PCDH7: variants seen among roughly 807,000 people sequenced by gnomAD.
PCDH7 encodes protocadherin 7.
Under a neutral mutation model 58.9 loss-of-function variants are expected in PCDH7, and 17 were observed. The ratio of observed to expected loss-of-function variants is 0.29; its 90% confidence interval spans 0.20 to 0.43. The LOEUF (loss-of-function observed/expected upper bound fraction) is 0.43. Ranked by LOEUF, PCDH7 falls within the 20% of genes least tolerant of loss-of-function variation. PCDH7 has a pLI of 1.00. For missense variants in PCDH7, 1,274 were observed against 1,441.0 expected (o/e 0.88, Z 1.88); for synonymous variants, 664 against 616.4 (o/e 1.08, Z -1.14).
intron 1 of PCDH7, among the ~76,000 whole-genome samples, chr4:30,738,455 C>T (rs950718562): frequency 6.6e-6 from 1 of 151,486 alleles, no homozygotes; most frequent in African/African-American, 2.4e-5. Context: ...ATCTATACTA[C>T]GTTTGCATGG....
At chr4:30,828,247 G>GA (rs55835042) in intron 1 of PCDH7, among the ~76,000 whole-genome samples, 37,907 of 150,432 alleles carry the variant, frequency 0.25, 5,350 homozygotes, top group African/African-American at 0.39. Flanking sequence ...CTTAGTAAAG[G>GA]AAAAAAAAAT....
intron 1 of PCDH7, among the ~76,000 whole-genome samples, chr4:30,802,588 T>C (rs1221804175): frequency 6.6e-6 from 1 of 151,424 alleles, no homozygotes; most frequent in Admixed American, 6.6e-5. Flanking sequence ...CAAAATGAGA[T>C]CCAGATGAAT....
intron 2 of PCDH7, among the ~76,000 whole-genome samples, chr4:30,943,149 G>T (rs1746259101): frequency 6.6e-6 from 1 of 151,702 alleles, no homozygotes; most frequent in Non-Finnish European, 1.5e-5. Context: ...CATTCATCTT[G>T]AACCTCCATA....
intron 3 of PCDH7, among the ~76,000 whole-genome samples, chr4:30,984,488 C>T (rs1472373389): frequency 3.9e-5 from 6 of 152,156 alleles, no homozygotes; most frequent in South Asian, 2.1e-4. Flanking sequence ...CACACATAAA[C>T]ATAAGGAAGT....
chr4:30,801,576 TTAAAC>T (rs1725526417), intron 1 of PCDH7, among the ~76,000 whole-genome samples: 1 of 152,162 alleles, frequency 6.6e-6, no homozygotes, highest in Admixed American at 6.6e-5. Context: ...CCACTAGTCT[TTAAAC>T]TAAAGATATT....
intron 3 of PCDH7, 143 bp from the exon 3 acceptor site, chr4:31,142,330 T>A (rs979689755): frequency 8.2e-6 from 6 of 733,654 alleles, no homozygotes; most frequent in Non-Finnish European, 9.9e-6. Flanking sequence ...AACTGTCCTA[T>A]GGAATGATGA....
intron 3 of PCDH7, among the ~76,000 whole-genome samples, chr4:31,103,571 C>G (rs550341572): frequency 6.6e-6 from 1 of 152,190 alleles, no homozygotes; most frequent in South Asian, 2.1e-4. Flanking sequence ...CTCCTGACCT[C>G]AAGTGATTCA....
chr4:30,949,826 A>G (rs932429403), intron 2 of PCDH7, among the ~76,000 whole-genome samples: 8 of 152,078 alleles, frequency 5.3e-5, no homozygotes, highest in Non-Finnish European at 8.8e-5. Flanking sequence ...TTATGCCCAT[A>G]TGTGAAGGTC....
intron 3 of PCDH7, among the ~76,000 whole-genome samples, chr4:31,031,267 T>C (rs1041114746): frequency 2.0e-5 from 3 of 152,188 alleles, no homozygotes; most frequent in Non-Finnish European, 4.4e-5. Flanking sequence ...TTTTTGTTTG[T>C]CACAACAACG....
intron 1 of PCDH7, among the ~76,000 whole-genome samples, chr4:30,833,332 T>G (rs1237944922): frequency 6.6e-6 from 1 of 152,064 alleles, no homozygotes; most frequent in Non-Finnish European, 1.5e-5. Context: ...TCTTTCAGCT[T>G]CTAGACATTG....
At chr4:30,823,457 A>T (rs1728620248) in intron 1 of PCDH7, among the ~76,000 whole-genome samples, 1 of 151,996 alleles carries the variant, frequency 6.6e-6, no homozygotes, top group African/African-American at 2.4e-5. Context: ...AGAATTAAAC[A>T]TTTTCTGCTA....
chr4:30,858,429 T>C (rs1733768118), intron 1 of PCDH7, among the ~76,000 whole-genome samples: 1 of 152,152 alleles, frequency 6.6e-6, no homozygotes, highest in African/African-American at 2.4e-5. Flanking sequence ...ACTTGCTATG[T>C]CTTTTTTGTT....
intron 2 of PCDH7, among the ~76,000 whole-genome samples, chr4:30,945,882 A>G (rs951861077): frequency 6.6e-6 from 1 of 152,112 alleles, no homozygotes; most frequent in African/African-American, 2.4e-5. Context: ...AGTGCCAACA[A>G]TCAAGGTGAC....
chr4:30,957,816 A>C (rs1248942144), intron 3 of PCDH7, among the ~76,000 whole-genome samples: 1 of 152,126 alleles, frequency 6.6e-6, no homozygotes, highest in Non-Finnish European at 1.5e-5. Flanking sequence ...TTATCATGGA[A>C]ATCAATGGAA....
downstream of PCDH7, among the ~76,000 whole-genome samples, chr4:30,733,604 T>C (rs1030988212): frequency 3.3e-5 from 5 of 152,162 alleles, no homozygotes; most frequent in Non-Finnish European, 7.3e-5. Flanking sequence ...AAAATGATAG[T>C]TTATATTTGT....
At chr4:30,978,714 C>T (rs1212034285) in intron 3 of PCDH7, among the ~76,000 whole-genome samples, 3 of 152,122 alleles carry the variant, frequency 2.0e-5, no homozygotes, top group Non-Finnish European at 2.9e-5. Flanking sequence ...AAGTGTTTTT[C>T]TCTCCCTAAT....
At chr4:31,110,538 T>A (rs1470275082) in intron 3 of PCDH7, among the ~76,000 whole-genome samples, 2 of 152,340 alleles carry the variant, frequency 1.3e-5, no homozygotes, top group South Asian at 2.1e-4. Context: ...TCTCTCTATA[T>A]ACAAAAACGT....
chr4:30,990,709 T>C (rs1266787050), intron 3 of PCDH7, among the ~76,000 whole-genome samples: 1 of 152,128 alleles, frequency 6.6e-6, no homozygotes, highest in Non-Finnish European at 1.5e-5. Context: ...TTAAAAATAT[T>C]GATGTCAATG....
chr4:30,889,732 C>T lies in PCDH7; in HGVS notation c.71-30421C>T, dbSNP rs147505876. On this transcript the variant is annotated intron_variant, in intron 1 of 3. Transcript: ENST00000509759. ...ATATGGTGTAAGGAGCAAGGCGGCT[C>T]CCTTGTGCCTCTTTTATAAGGATGC... Among the ~76,000 whole-genome samples the T allele has an allele frequency of 1.2e-4, 18 of 152,210 alleles. No individual in the cohort carries two copies. The East Asian group carries it at 3.5e-3, about 29-fold the overall frequency.
Sources: allele counts gnomAD v4.1 joint callset (sites outside exome capture counted in the v4.1 genomes callset), GRCh38; gene constraint gnomAD v4.1.1; transcripts MANE v1.5; gene names NCBI Gene and HGNC (gene_info 2026-07-23, HGNC 2026-07-21).